Variants in UGGT2 observed in about 807,000 individuals in gnomAD.
UGGT2 encodes the protein UDP-glucose:glycoprotein glucosyltransferase 2.
UGGT2 carries 180 observed loss-of-function variants against 192.1 expected under a neutral mutation model. The ratio of observed to expected loss-of-function variants is 0.94; its 90% CI spans 0.83 to 1.06. The LOEUF (loss-of-function observed/expected upper bound fraction) is 1.06, where lower values mean the gene tolerates loss of function less well. Ranked by LOEUF, UGGT2 falls within the 50% of genes least tolerant of loss-of-function variation. UGGT2 has a pLI of 0.00. For missense variants in UGGT2, 1,849 were observed against 1,795.7 expected, an observed-to-expected ratio of 1.03 and a Z score of -0.54; for synonymous variants, 580 against 591.0, an observed-to-expected ratio of 0.98 and a Z score of 0.27.
In UGGT2 at chr13:95,877,827, T is replaced by C. The variant is rs1486617812; in HGVS notation, c.3258A>G (p.Glu1086=). Residue 1086 remains glutamate (E), a synonymous_variant, in exon 28 of 39, where the codon GAA becomes GAG. Coordinates refer to ENST00000376747, the MANE Select transcript of UGGT2 (RefSeq NM_020121.4). ...GTCCTTCCAGTAGTAAGTATTCTAG[T>C]TCATATTCTGCTGTAACAGTTTTCT... ...DTEKTVTAEY[E]LEYLLLEGQC... 6 of 1,613,842 alleles carry C rather than the reference T, an allele frequency of 3.7e-6. No homozygotes were observed. The highest frequency in any genetic ancestry group is 1.1e-5 in the South Asian group (1 of 91,018).
chr13:95,960,142 A>G (rs1352624672), intron 12 of UGGT2, among the ~76,000 whole-genome samples: 5 of 152,234 alleles, frequency 3.3e-5, no homozygotes, highest in Admixed American at 1.3e-4. Flanking sequence ...AAAAAATGGA[A>G]TAAGTAACTG....
At chr13:95,994,962 G>T (rs181323581) in intron 7 of UGGT2, among the ~76,000 whole-genome samples, 35 of 152,020 alleles carry the variant, frequency 2.3e-4, no homozygotes, top group African/African-American at 6.7e-4. Flanking sequence ...CCAACCATAG[G>T]TATCGAAAGT....
At chr13:95,909,799 T>TCAA (rs1295427536) in intron 20 of UGGT2, among the ~76,000 whole-genome samples, 1 of 76,180 alleles carries the variant, frequency 1.3e-5, no homozygotes, top group Admixed American at 1.6e-4. Context: ...TCCTGCCCAC[T>TCAA]AAAAAAAAAA....
chr13:95,932,729 T>A (rs372793369), intron 17 of UGGT2, among the ~76,000 whole-genome samples: 1 of 152,208 alleles, frequency 6.6e-6, no homozygotes, highest in South Asian at 2.1e-4. Context: ...TGTGGGTTTG[T>A]CATAGATGGC....
chr13:95,991,304 T>C (rs1277498515), intron 7 of UGGT2: 3 of 286,118 alleles, frequency 1.0e-5, no homozygotes, highest in Non-Finnish European at 2.1e-5. Flanking sequence ...TGCCACACTG[T>C]CTTCCACAAC....
In UGGT2 at chr13:95,925,768, C is replaced by A; in HGVS notation, c.2207G>T (p.Ser736Ile). The A allele has an allele frequency of 6.5e-7, 1 of 1,536,710 alleles. No individual in the cohort carries two copies. The highest frequency in any genetic ancestry group is 1.4e-5 in the African/African-American group (1 of 73,074). Residue 736 changes from serine to isoleucine, a missense_variant, in exon 20 of 39, where the codon AGT (serine) becomes ATT (isoleucine). Transcript: ENST00000376747. ...CCAGAGAGTGACTGCAGAAATTATA[C>A]TCTCATCTGAAAGTTTCAAACAGTT... is the stretch of plus-strand genomic sequence containing the variant. The part of the protein sequence containing the change: ...NMYYLTQDDE[S>I]IISAVTLWII...
chr13:95,928,596 G>A lies in UGGT2; in HGVS notation c.1978-1260C>T, dbSNP rs932199888. The stretch of plus-strand genomic sequence containing the variant: ...CAGAGGTGCTCTTCACAGCCCAGAC[G>A]GGGCGGCGGGGCAAAGGCGCTCCCC... On this transcript the variant is annotated intron_variant, in intron 17 of 38. Coordinates refer to ENST00000376747, the MANE Select transcript of UGGT2 (RefSeq NM_020121.4). 6.6e-5 allele frequency among the ~76,000 whole-genome samples: 10 copies of A among 152,108 alleles called. No homozygotes were observed. The East Asian group carries it at 7.7e-4, about 12-fold the overall frequency.
intron 12 of UGGT2, among the ~76,000 whole-genome samples, chr13:95,958,710 GGTC>G (rs1306822484): frequency 3.3e-5 from 5 of 151,786 alleles, no homozygotes; most frequent in Non-Finnish European, 7.4e-5. Context: ...ACTTCGAATA[GGTC>G]GTCTAAGGGA....
chr13:95,973,013 A>C (rs955078766), intron 10 of UGGT2, among the ~76,000 whole-genome samples: 1 of 152,154 alleles, frequency 6.6e-6, no homozygotes, highest in African/African-American at 2.4e-5. Flanking sequence ...TCTACTAAAC[A>C]CAAAAAATTA....
At chr13:95,972,236 C>A (rs891013940) in intron 11 of UGGT2, among the ~76,000 whole-genome samples, 1 of 151,902 alleles carries the variant, frequency 6.6e-6, no homozygotes, top group Non-Finnish European at 1.5e-5. Flanking sequence ...GGGGAAATAC[C>A]CCATGTTGAC....
At chr13:95,993,838 A>AAGAAATC (rs2051531942) in intron 7 of UGGT2, among the ~76,000 whole-genome samples, 1 of 152,152 alleles carries the variant, frequency 6.6e-6, no homozygotes, top group Non-Finnish European at 1.5e-5. Context: ...TGCCTGGATA[A>AAGAAATC]AGAAATCATA....
intron 30 of UGGT2, among the ~76,000 whole-genome samples, chr13:95,866,258 A>G (rs971720033): frequency 6.6e-6 from 1 of 152,182 alleles, no homozygotes; most frequent in Admixed American, 6.5e-5. Context: ...GTTCCCAGCA[A>G]TTATTTTTAA....
intron 29 of UGGT2, among the ~76,000 whole-genome samples, chr13:95,876,529 C>G (rs140543730): frequency 6.6e-6 from 1 of 152,132 alleles, no homozygotes; most frequent in African/African-American, 2.4e-5. Context: ...GTGAGGCCTA[C>G]CTGGCTTTGG....
chr13:95,930,739 G>A (rs941666067), intron 17 of UGGT2, among the ~76,000 whole-genome samples: 2 of 152,154 alleles, frequency 1.3e-5, no homozygotes, highest in Non-Finnish European at 2.9e-5. Context: ...CAAGAATAAA[G>A]CTGTGGACCC....
At chr13:95,802,523 TACAAG>T (rs1394859398) in intron 38 of UGGT2, among the ~76,000 whole-genome samples, 3 of 152,236 alleles carry the variant, frequency 2.0e-5, no homozygotes, top group African/African-American at 4.8e-5. Flanking sequence ...GGGAAGTGGT[TACAAG>T]ACACTTGTTG....
At chr13:95,950,416 G>T (rs997010546) in intron 12 of UGGT2, among the ~76,000 whole-genome samples, 4 of 151,924 alleles carry the variant, frequency 2.6e-5, no homozygotes, top group African/African-American at 9.7e-5. Flanking sequence ...CACAAAAATA[G>T]TAGAGCCTTC....
At chr13:95,915,659 G>T (rs1002053224) in intron 20 of UGGT2, among the ~76,000 whole-genome samples, 1 of 152,350 alleles carries the variant, frequency 6.6e-6, no homozygotes, top group South Asian at 2.1e-4. Flanking sequence ...GCTTCCGGGG[G>T]AGGGTGGCCA....
intron 25 of UGGT2, among the ~76,000 whole-genome samples, chr13:95,888,188 A>T (rs1168881705): frequency 6.6e-6 from 1 of 152,196 alleles, no homozygotes; most frequent in Non-Finnish European, 1.5e-5. Flanking sequence ...TAATCCAAAC[A>T]GTTGATTTCA....
In UGGT2 at chr13:96,053,401, T is replaced by A; in HGVS notation, c.-89A>T. Reference sequence around the variant, plus strand: ...CGGCCGGCTCTTCCCGCTGCGCGGCTGCCCACTTCCGGTGGGAGGAGCTCG... The same window carrying A: ...CGGCCGGCTCTTCCCGCTGCGCGGCAGCCCACTTCCGGTGGGAGGAGCTCG... On this transcript the variant is annotated 5_prime_UTR_variant, in exon 1 of 39. Transcript: ENST00000376747. 2.0e-6 allele frequency: 3 copies of A among 1,497,846 alleles called. No homozygotes were observed. The highest frequency in any genetic ancestry group is 4.5e-5 in the Admixed American group (2 of 44,800). 92.8% of individuals were successfully genotyped at this position (1,497,846 alleles called of 1,614,324 possible).
Sources: gnomAD v4.1 joint callset for allele counts (sites outside exome capture counted in the v4.1 genomes callset) on GRCh38, gnomAD v4.1.1 for gene constraint, MANE v1.5 for transcripts, NCBI Gene and HGNC (gene_info 2026-07-23, HGNC 2026-07-21) for gene names.